NXN: variants seen among roughly 807,000 people sequenced by gnomAD.
NXN encodes nucleoredoxin 1.
NXN carries 16 observed loss-of-function variants against 48.6 expected under a neutral mutation model. The observed-to-expected ratio is 0.33, with a 90% CI of 0.22 to 0.50. The LOEUF (loss-of-function observed/expected upper bound fraction) is 0.50. NXN is among the 20% of genes least tolerant of loss of function. NXN has a pLI of 0.98. For synonymous variants in NXN, 281 were observed against 269.6 expected (o/e 1.04, Z -0.41); for missense variants, 492 against 605.5 (o/e 0.81, Z 1.97).
At chr17:852,499 CT>C (rs2067934630) in intron 1 of NXN, among the ~76,000 whole-genome samples, 1 of 152,326 alleles carries the variant, frequency 6.6e-6, no homozygotes, top group Admixed American at 6.5e-5. Flanking sequence ...AATGTCCATA[CT>C]GACGTCCAGA....
chr17:859,077 T>C (rs2068016339), intron 1 of NXN, among the ~76,000 whole-genome samples: 1 of 152,198 alleles, frequency 6.6e-6, no homozygotes. Context: ...ACCTCCACTG[T>C]CTGGGAGAGT....
In NXN at chr17:949,812, G is replaced by A. The variant is rs530216014; in HGVS notation, c.360+29507C>T. 3.3e-5 allele frequency among the ~76,000 whole-genome samples: 5 copies of A among 151,470 alleles called. No homozygotes were observed. In the East Asian group the frequency reaches 9.8e-4, roughly 30 times the overall value. ...CCACGTGAGGACCTCTGAGACCCTG[G>A]AGAGCCACTGGGCTCAGCCTGGAGC... On this transcript the variant is annotated intron_variant, in intron 1 of 7. Transcript: ENST00000336868.
intron 1 of NXN, among the ~76,000 whole-genome samples, chr17:839,822 C>T (rs12945510): frequency 0.066 from 5,627 of 85,372 alleles, 253 homozygotes; most frequent in East Asian, 0.39. Context: ...AAAGGCCAGG[C>T]ACGGTGGCTC....
intron 1 of NXN, among the ~76,000 whole-genome samples, chr17:921,732 T>C (rs1202426810): frequency 7.0e-6 from 1 of 141,934 alleles, no homozygotes; most frequent in African/African-American, 2.7e-5. Context: ...TCACTGCCCC[T>C]GGACAACACC....
chr17:875,046 T>G (rs2068199122), intron 1 of NXN, among the ~76,000 whole-genome samples: 1 of 152,092 alleles, frequency 6.6e-6, no homozygotes, highest in Non-Finnish European at 1.5e-5. Flanking sequence ...TTTTTTTTTT[T>G]TCTGAGACAG....
At chr17:948,267 C>G (rs1367541037) in intron 1 of NXN, among the ~76,000 whole-genome samples, 1 of 151,988 alleles carries the variant, frequency 6.6e-6, no homozygotes, top group Non-Finnish European at 1.5e-5. Flanking sequence ...GTGATGATCA[C>G]ACGTTGTATG....
chr17:841,433 G>GTCCCCCCGACCACAGCGCATCTCACACCC (rs1567827465), intron 1 of NXN, among the ~76,000 whole-genome samples: 1 of 51,216 alleles, frequency 2.0e-5, no homozygotes, highest in African/African-American at 8.0e-5. Flanking sequence ...ATCTCACACG[G>GTCCCCCCGACCACAGCGCATCTCACACCC]GCGAGCAGGT....
intron 1 of NXN, among the ~76,000 whole-genome samples, chr17:850,607 GTTTTGCTCACTCGCTC>G (rs1439743344): frequency 1.3e-5 from 2 of 152,240 alleles, no homozygotes; most frequent in African/African-American, 4.8e-5. Context: ...GGGGCACCCA[GTTTTGCTCACTCGCTC>G]TCTCCAGGGG....
intron 1 of NXN, among the ~76,000 whole-genome samples, chr17:867,935 G>A (rs1269165999): frequency 6.6e-6 from 1 of 152,012 alleles, no homozygotes; most frequent in Non-Finnish European, 1.5e-5. Context: ...TGCAAAGAGT[G>A]TGCAGAAGCT....
intron 1 of NXN, among the ~76,000 whole-genome samples, chr17:957,492 C>T (rs56369970): frequency 0.013 from 2,019 of 152,118 alleles, 18 homozygotes; most frequent in Middle Eastern, 0.027. Context: ...ATTACCTGAG[C>T]GTGGTGGTGC....
At chr17:837,274 A>G (rs71357121) in intron 1 of NXN, among the ~76,000 whole-genome samples, 7,603 of 152,172 alleles carry the variant, frequency 0.05, 296 homozygotes, top group East Asian at 0.24. Flanking sequence ...CACTGTGTTC[A>G]GCCCCCATGC....
chr17:897,888 C>T (rs188988583), intron 1 of NXN, among the ~76,000 whole-genome samples: 43 of 152,302 alleles, frequency 2.8e-4, no homozygotes, highest in African/African-American at 9.9e-4. Flanking sequence ...ACCGTGTTGG[C>T]CAGGCTGGTC....
chr17:894,649 A>G (rs184932301), intron 1 of NXN, among the ~76,000 whole-genome samples: 8 of 142,976 alleles, frequency 5.6e-5, no homozygotes, highest in East Asian at 2.1e-4. Context: ...GCATCTCAGC[A>G]CCCTGGAAGC....
At chr17:921,128 G>A (rs999056030) in intron 1 of NXN, among the ~76,000 whole-genome samples, 31 of 152,156 alleles carry the variant, frequency 2.0e-4, no homozygotes, top group Non-Finnish European at 2.4e-4. Context: ...AGAGTTAGAC[G>A]GGACGGCGTT....
chr17:841,508 CGGGCGAGCAGGTCCCCCCGA>C (rs1567827693), intron 1 of NXN, among the ~76,000 whole-genome samples: 24 of 134,074 alleles, frequency 1.8e-4, no homozygotes, highest in East Asian at 6.1e-4. Flanking sequence ...GCATCTCACA[CGGGCGAGCAGGTCCCCCCGA>C]CCATGGAGCA....
chr17:856,921 G>A (rs372931424), intron 1 of NXN, among the ~76,000 whole-genome samples: 47 of 152,056 alleles, frequency 3.1e-4, no homozygotes, highest in African/African-American at 1.1e-3. Flanking sequence ...TCAGGGCAAC[G>A]TAGGCCTTTT....
intron 1 of NXN, among the ~76,000 whole-genome samples, chr17:916,277 T>A (rs1357819598): frequency 6.6e-6 from 1 of 152,202 alleles, no homozygotes; most frequent in African/African-American, 2.4e-5. Context: ...GCTGTGAGGT[T>A]CCCGTGGTGC....
intron 1 of NXN, chr17:911,326 T>C (rs1355248964): frequency 1.4e-5 from 2 of 142,754 alleles, no homozygotes; most frequent in Admixed American, 7.3e-5. Context: ...TCTCCATTAA[T>C]GCAAGTCTTC....
chr17:926,481 G>A (rs185028239), intron 1 of NXN, among the ~76,000 whole-genome samples: 4 of 151,736 alleles, frequency 2.6e-5, no homozygotes, highest in Non-Finnish European at 4.4e-5. Flanking sequence ...CACTGTGCCC[G>A]GCTCTCCTCC....
Sources: allele counts gnomAD v4.1 joint callset (sites outside exome capture counted in the v4.1 genomes callset), GRCh38; gene constraint gnomAD v4.1.1; transcripts MANE v1.5; gene names NCBI Gene and HGNC (gene_info 2026-07-23, HGNC 2026-07-21).